PPP1R3A: variants seen among roughly 807,000 people sequenced by gnomAD.
PPP1R3A encodes the protein protein phosphatase 1 regulatory subunit 3A.
PPP1R3A carries 29 observed loss-of-function variants against 41.7 expected under a neutral mutation model. The ratio of observed to expected loss-of-function variants is 0.70; its 90% CI spans 0.52 to 0.95. PPP1R3A has a LOEUF of 0.95. Ranked by LOEUF, PPP1R3A falls within the 40% of genes least tolerant of loss-of-function variation. The pLI is 0.00. For missense variants in PPP1R3A, 1,352 were observed against 1,292.4 expected, an observed-to-expected ratio of 1.05 and a Z score of -0.71; for synonymous variants, 485 against 453.4, an observed-to-expected ratio of 1.07 and a Z score of -0.89.
At position 113,877,618 on chromosome 7, in the gene PPP1R3A, G is replaced by A; in HGVS notation, c.*105C>T. Reference sequence around the variant, plus strand: ...CGTCCCTTTTTAAATGATCCTTCAAGAGAAAAACTGCACTGGATCTTTGAA... The same window carrying A: ...CGTCCCTTTTTAAATGATCCTTCAAAAGAAAAACTGCACTGGATCTTTGAA... On this transcript the variant is annotated 3_prime_UTR_variant, in exon 4 of 4. Transcript: ENST00000284601. 1.5e-6 allele frequency: 2 copies of A among 1,338,486 alleles called. No individual in the cohort carries two copies. Among genetic ancestry groups the A allele is most frequent in the Non-Finnish European group, 2.0e-6 (2 of 987,442 alleles). The allele number at this position is 1,338,486 out of a possible 1,614,324, so 82.9% of individuals were successfully genotyped here. A position where few individuals can be genotyped will look rare whatever the true frequency, so the allele number is the denominator to read the frequency against.
rs1418063107 is a variant in PPP1R3A, at chr7:113,880,110, T to A, written c.982A>T (p.Ile328Leu). The A allele has an allele frequency of 6.3e-7, 1 of 1,597,004 alleles. No individual in the cohort carries two copies. The highest frequency in any genetic ancestry group is 1.7e-5 in the Admixed American group (1 of 59,768). ...CTGGAAGCAGTACTTCTGGTTCTTA[T>A]TAAGTGTTGATTTATCTTATGGGAT... ...ELELMINQHL[I>L]RTRSTASRDE... The change falls in exon 4 of 4, where the codon ATA (isoleucine) becomes TTA (leucine). Residue 328 changes from isoleucine (I) to leucine (L), a missense_variant. Transcript: ENST00000284601.
chr7:113,909,543 T>C (rs1313560235), intron 1 of PPP1R3A, among the ~76,000 whole-genome samples: 1 of 152,006 alleles, frequency 6.6e-6, no homozygotes, highest in African/African-American at 2.4e-5. Flanking sequence ...GTGTTGACAA[T>C]GTATGGTCCT....
chr7:113,888,066 T>C (rs1437087510), intron 1 of PPP1R3A, among the ~76,000 whole-genome samples: 1 of 151,414 alleles, frequency 6.6e-6, no homozygotes, highest in Non-Finnish European at 1.5e-5. Context: ...AAGTCACATC[T>C]AGAAACAACA....
intron 1 of PPP1R3A, among the ~76,000 whole-genome samples, chr7:113,917,515 C>T (rs1797360395): frequency 6.6e-6 from 1 of 151,930 alleles, no homozygotes; most frequent in Non-Finnish European, 1.5e-5. Flanking sequence ...AGCTGAATAT[C>T]CCTATTTATA....
chr7:113,911,894 C>T (rs1354065352), intron 1 of PPP1R3A, among the ~76,000 whole-genome samples: 1 of 152,040 alleles, frequency 6.6e-6, no homozygotes, highest in Non-Finnish European at 1.5e-5. Flanking sequence ...TTAATACTAC[C>T]ACTTTGAGTA....
At chr7:113,885,577 T>C (rs1423484949) in intron 1 of PPP1R3A, among the ~76,000 whole-genome samples, 3 of 152,020 alleles carry the variant, frequency 2.0e-5, no homozygotes, top group African/African-American at 7.2e-5. Flanking sequence ...TTGTTAGCTA[T>C]ATAAGTCTTG....
rs185373457 is a variant in PPP1R3A at position 113,904,696 on chromosome 7, A to T, written c.782+13519T>A. Reference sequence around the variant, plus strand: ...ATTGAGGAAATACAAAGAAAAAAAAATTGTCTTTTATAGCTATGTCAGCAA... The same window carrying T: ...ATTGAGGAAATACAAAGAAAAAAAATTTGTCTTTTATAGCTATGTCAGCAA... On this transcript the variant is annotated intron_variant, in intron 1 of 3. Coordinates refer to ENST00000284601, the MANE Select transcript of PPP1R3A (RefSeq NM_002711.4). Among the ~76,000 whole-genome samples the T allele has an allele frequency of 2.9e-3, 435 of 151,492 alleles. 2 individuals are homozygous for T. The highest frequency in any genetic ancestry group is 0.01 in the African/African-American group (415 of 41,320).
At chr7:113,889,380 T>C (rs1796840280) in intron 1 of PPP1R3A, among the ~76,000 whole-genome samples, 1 of 152,164 alleles carries the variant, frequency 6.6e-6, no homozygotes, top group South Asian at 2.1e-4. Flanking sequence ...TCTAAAAGGA[T>C]GGAACCACCA....
At chr7:113,880,222 T>G in intron 3 of PPP1R3A, 97 bp from the exon 4 acceptor site, 1 of 1,108,794 alleles carries the variant, frequency 9.0e-7, no homozygotes, top group South Asian at 1.5e-5. Context: ...AGTAATTATC[T>G]GGTAGATTTC....
Position 113,918,716 on chromosome 7 carries a change from A to G in PPP1R3A, c.281T>C (p.Leu94Ser). Residue 94 changes from leucine (L) to serine (S), a missense_variant, in exon 1 of 4, where the codon TTA (leucine) becomes TCA (serine). Coordinates refer to ENST00000284601, the MANE Select transcript of PPP1R3A (RefSeq NM_002711.4). ...TTCTGTGTGGAAAATGTCCGTCCCT[A>G]AGTCAAAAGTGGTTGAAGCACTCGG... ...ELPSASTTFD[L>S]GTDIFHTEEY... 3.7e-6 allele frequency: 6 copies of G among 1,613,852 alleles called. No homozygotes were observed. Among genetic ancestry groups the G allele is most frequent in the Non-Finnish European group, 5.1e-6 (6 of 1,179,866 alleles).
At chr7:113,881,909 G>T in intron 3 of PPP1R3A, 130 bp downstream of exon 3, 1 of 1,047,424 alleles carries the variant, frequency 9.5e-7, no homozygotes, top group Non-Finnish European at 1.4e-6. Flanking sequence ...AGAGACGCAA[G>T]GACAGAATAG....
At chr7:113,914,177 G>C (rs1263679141) in intron 1 of PPP1R3A, among the ~76,000 whole-genome samples, 1 of 152,084 alleles carries the variant, frequency 6.6e-6, no homozygotes, top group African/African-American at 2.4e-5. Flanking sequence ...TGTCTAACAT[G>C]CTATATTAAA....
chr7:113,914,530 C>A (rs1314605194), intron 1 of PPP1R3A, among the ~76,000 whole-genome samples: 1 of 152,016 alleles, frequency 6.6e-6, no homozygotes, highest in Non-Finnish European at 1.5e-5. Context: ...TAAAATCTTG[C>A]AAGAGACAAA....
intron 1 of PPP1R3A, among the ~76,000 whole-genome samples, chr7:113,902,923 G>A (rs1173102003): frequency 6.6e-6 from 1 of 151,730 alleles, no homozygotes; most frequent in Non-Finnish European, 1.5e-5. Context: ...AATATTTATT[G>A]AATGACTGAT....
chr7:113,909,940 C>G (rs1388845956), intron 1 of PPP1R3A, among the ~76,000 whole-genome samples: 6 of 152,000 alleles, frequency 3.9e-5, no homozygotes, highest in African/African-American at 1.4e-4. Flanking sequence ...AAAGAGATAC[C>G]TGAGACTACG....
intron 1 of PPP1R3A, among the ~76,000 whole-genome samples, chr7:113,905,828 C>A (rs1797136982): frequency 6.6e-6 from 1 of 151,672 alleles, no homozygotes; most frequent in African/African-American, 2.4e-5. Context: ...GTGGCCCTGG[C>A]AAGAAGAAAA....
intron 1 of PPP1R3A, among the ~76,000 whole-genome samples, chr7:113,901,997 C>T (rs906579452): frequency 3.3e-5 from 5 of 151,796 alleles, no homozygotes; most frequent in African/African-American, 1.2e-4. Context: ...TTAGTCATAA[C>T]TTTTAGAAAA....
chr7:113,885,360 G>T lies in PPP1R3A; in HGVS notation c.783-3040C>A, dbSNP rs748632799. The stretch of plus-strand genomic sequence containing the variant: ...CCGCACCTGGCCCCCAGGCTTTCTT[G>T]TACATTGCTGGTGGGAGAATAAATA... On this transcript the variant is annotated intron_variant, in intron 1 of 3. Coordinates refer to ENST00000284601, the MANE Select transcript of PPP1R3A (RefSeq NM_002711.4). Among the ~76,000 whole-genome samples the T allele has an allele frequency of 3.9e-5, 6 of 151,996 alleles. No individual in the cohort carries two copies. In the South Asian group the frequency reaches 6.2e-4, roughly 16 times the overall value.
At chr7:113,910,034 G>A (rs2129120326) in intron 1 of PPP1R3A, among the ~76,000 whole-genome samples, 1 of 152,188 alleles carries the variant, frequency 6.6e-6, no homozygotes, top group Admixed American at 6.6e-5. Flanking sequence ...AGACAAAGAA[G>A]CGAAGGCACA....
Sources: allele counts gnomAD v4.1 joint callset (sites outside exome capture counted in the v4.1 genomes callset), GRCh38; gene constraint gnomAD v4.1.1; transcripts MANE v1.5; gene names NCBI Gene and HGNC (gene_info 2026-07-23, HGNC 2026-07-21).